Variants in RIF1 observed in about 807,000 individuals in gnomAD.
RIF1 encodes the protein replication timing regulatory factor 1, also known as telomere-associated protein RIF1.
A neutral mutation model predicts 247.1 loss-of-function variants in RIF1; 45 were observed. That is an observed-to-expected ratio of 0.18 (90% CI 0.14 to 0.23). RIF1 has a LOEUF of 0.23. Among genes scored for constraint, RIF1 ranks in the 10% least tolerant of loss-of-function variants. The probability of loss-of-function intolerance (pLI) is 1.00; values close to 1 mark genes in which losing one functional copy is unlikely to be tolerated. For missense variants in RIF1, 2,967 were observed against 2,862.5 expected, an observed-to-expected ratio of 1.04 and a Z score of -0.83; for synonymous variants, 1,087 against 978.8, an observed-to-expected ratio of 1.11 and a Z score of -2.06.
intron 19 of RIF1, 24 bp from the exon 20 acceptor site, chr2:151,446,402 T>A (rs1200111467): frequency 5.6e-6 from 9 of 1,605,760 alleles, no homozygotes; most frequent in Non-Finnish European, 6.8e-6. Flanking sequence ...TTAACAAAAC[T>A]TCTTTTTTTG....
At position 151,463,669 on chromosome 2, in the gene RIF1, A is replaced by T. The variant is rs767822951; in HGVS notation, c.4149A>T (p.Glu1383Asp). 1.2e-4 allele frequency: 188 copies of T among 1,613,850 alleles called. No homozygotes were observed. Among genetic ancestry groups the T allele is most frequent in the Non-Finnish European group, 1.6e-4 (183 of 1,179,942 alleles). Residue 1383 changes from glutamate to aspartate, a missense_variant, in exon 30 of 36, where the codon GAA (glutamate) becomes GAT (aspartate). Transcript: ENST00000444746. ...AGAAAAATGTAGAAATTAATTTGGA[A>T]TCCAAAGAGAATACACCCCCAGTAG... ...VEEKNVEINL[E>D]SKENTPPVVI...
intron 9 of RIF1, among the ~76,000 whole-genome samples, chr2:151,431,175 A>G (rs1690057855): frequency 6.6e-6 from 1 of 152,218 alleles, no homozygotes. Flanking sequence ...GAAGTCATCA[A>G]GGAATCAGAT....
Position 151,458,867 on chromosome 2 carries a change from C to T in RIF1, c.2912C>T (p.Thr971Ile). ...KFLLLLPGLE[T>I]VEMMEESSGP... Reference sequence around the variant, plus strand: ...CTGCTCCTGTTGCCTGGTTTGGAAACTGTTGAAATGATGGAGGAATCCAGT... The same window carrying T: ...CTGCTCCTGTTGCCTGGTTTGGAAATTGTTGAAATGATGGAGGAATCCAGT... The change falls in exon 25 of 36, where the codon ACT becomes ATT. Residue 971 changes from threonine to isoleucine, a missense_variant. By Grantham distance (89) the Thr-to-Ile change is moderately conservative. Coordinates refer to ENST00000444746, the MANE Select transcript of RIF1 (RefSeq NM_018151.5). 1 of 1,613,014 alleles carries T rather than the reference C, an allele frequency of 6.2e-7. No homozygotes were observed. The highest frequency in any genetic ancestry group is 8.5e-7 in the Non-Finnish European group (1 of 1,179,326).
chr2:151,457,436 C>G (rs925216082), intron 23 of RIF1, among the ~76,000 whole-genome samples: 2 of 152,140 alleles, frequency 1.3e-5, no homozygotes, highest in African/African-American at 4.8e-5. Context: ...TTAATCAACT[C>G]TTAGCTCATC....
intron 26 of RIF1, 121 bp from the exon 27 acceptor site, chr2:151,461,017 T>C (rs2045025): frequency 0.39 from 333,850 of 853,478 alleles, 67,218 homozygotes; most frequent in African/African-American, 0.43. Context: ...GGATCATGAG[T>C]ATCATCAACT....
chr2:151,420,422 G>T, intron 7 of RIF1, 43 bp downstream of exon 7: 1 of 1,587,440 alleles, frequency 6.3e-7, no homozygotes, highest in Non-Finnish European at 8.6e-7. Context: ...TACTGCATCG[G>T]AAGGTTCTGC....
At chr2:151,525,327 G>A in the RIF1 span, 9 of 1,325,930 alleles carry the variant, frequency 6.8e-6, no homozygotes, top group African/African-American at 1.3e-4. Context: ...AACAGAGTTG[G>A]TTTACTTGAA....
intron 14 of RIF1, among the ~76,000 whole-genome samples, chr2:151,439,667 CAAA>C (rs34523432): frequency 2.0e-3 from 215 of 109,904 alleles, no homozygotes; most frequent in Admixed American, 4.0e-3. Context: ...GAAACTCCAT[CAAA>C]AAAAAAAAAA....
At chr2:151,533,818 A>G in the RIF1 span, among the ~76,000 whole-genome samples, 1 of 152,240 alleles carries the variant, frequency 6.6e-6, no homozygotes, top group Non-Finnish European at 1.5e-5. Flanking sequence ...AAAAGAAGAC[A>G]TCTTTGGAAT....
At chr2:151,527,051 G>C in the RIF1 span, 1 of 1,469,804 alleles carries the variant, frequency 6.8e-7, no homozygotes, top group Non-Finnish European at 9.4e-7. Flanking sequence ...AGAAGAAAAG[G>C]GAAGGGTGAC....
At position 151,410,764 on chromosome 2, in the gene RIF1, T is replaced by C. The variant is rs116746686; in HGVS notation, c.104+237T>C. Among the ~76,000 whole-genome samples, 544 of 152,246 alleles carry C rather than the reference T, an allele frequency of 3.6e-3. 1 individual carries two copies. The highest frequency in any genetic ancestry group is 0.012 in the African/African-American group (516 of 41,530). On this transcript the variant is annotated intron_variant, in intron 2 of 35. Coordinates refer to ENST00000444746, the MANE Select transcript of RIF1 (RefSeq NM_018151.5). The stretch of plus-strand genomic sequence containing the variant: ...GAACGAGGGAGCATGCACGTGTGTT[T>C]TGCAAGCGAGGGATTTTTAAAAGTT...
At chr2:151,452,847 T>G (rs1694555687) in intron 21 of RIF1, among the ~76,000 whole-genome samples, 1 of 152,224 alleles carries the variant, frequency 6.6e-6, no homozygotes, top group South Asian at 2.1e-4. Flanking sequence ...GAAATTAGAT[T>G]TAACCGAATA....
chr2:151,531,231 A>G, the RIF1 span: 1 of 653,600 alleles, frequency 1.5e-6, no homozygotes, highest in Non-Finnish European at 2.7e-6. Context: ...AGGTGCTTTC[A>G]TGCTCTCTGC....
At position 151,440,089 on chromosome 2, in the gene RIF1, A is replaced by G. The variant is rs762004010; in HGVS notation, c.1609A>G (p.Ile537Val). The change falls in exon 15 of 36, where the codon ATA (isoleucine) becomes GTA (valine). Residue 537 changes from isoleucine (I) to valine (V), a missense_variant. Around this residue, in one of 7 missense-constraint regions of RIF1, gnomAD observed 369 missense variants for 322.0 expected, o/e 1.15. Coordinates refer to ENST00000444746, the MANE Select transcript of RIF1 (RefSeq NM_018151.5). The part of the protein sequence containing the change: ...LTLLLKSLES[I>V]VKSEVFPVSK... The stretch of plus-strand genomic sequence containing the variant: ...TCTCTTATTAAAGTCTTTGGAAAGC[A>G]TAGTAAAGTCTGAAGTATTTCCTGT... 1.9e-6 allele frequency: 3 copies of G among 1,600,190 alleles called. No individual in the cohort carries two copies. Among genetic ancestry groups the G allele is most frequent in the Admixed American group, 3.5e-5 (2 of 57,938 alleles).
chr2:151,517,538 A>G, the RIF1 span, among the ~76,000 whole-genome samples: 1 of 152,180 alleles, frequency 6.6e-6, no homozygotes, highest in African/African-American at 2.4e-5. Context: ...AACAACTGGG[A>G]TATGTTATGA....
Position 151,414,981 on chromosome 2 carries a change from T to C in RIF1, c.280+62T>C, listed in dbSNP as rs1484659370. On this transcript the variant is annotated intron_variant, in intron 4 of 35. Coordinates refer to ENST00000444746, the MANE Select transcript of RIF1 (RefSeq NM_018151.5). Reference sequence around the variant, plus strand: ...ATAAAGTATAAGTTTTAAGTATAAGTAGTTTGATGCTGTTAAAAGTACTGT... The same window carrying C: ...ATAAAGTATAAGTTTTAAGTATAAGCAGTTTGATGCTGTTAAAAGTACTGT... 5 of 1,024,172 alleles carry C rather than the reference T, an allele frequency of 4.9e-6. No individual in the cohort carries two copies. The African/African-American group carries it at 6.5e-5, about 13-fold the overall frequency. The allele number at this position is 1,024,172 out of a possible 1,614,324, so 63.4% of individuals were successfully genotyped here.
At chr2:151,497,300 T>TGTGA (rs934079452) in intron 10 of RIF1, 5 of 972,630 alleles carry the variant, frequency 5.1e-6, no homozygotes, top group South Asian at 9.5e-5. Flanking sequence ...TTTCCTTTTT[T>TGTGA]GTGAGTACCA....
At chr2:151,533,028 T>C in the RIF1 span, among the ~76,000 whole-genome samples, 98,275 of 151,994 alleles carry the variant, frequency 0.65, 32,077 homozygotes, top group East Asian at 0.78. Context: ...CTCATCTCCC[T>C]GCAACAGTTG....
rs781581005 is a variant in RIF1 at position 151,499,298 on chromosome 2, C to A, written c.*514-47C>A. The A allele has an allele frequency of 3.5e-6, 5 of 1,448,384 alleles. No homozygotes were observed. In the African/African-American group the frequency reaches 4.3e-5, roughly 12 times the overall value. The allele number at this position is 1,448,384 out of a possible 1,614,324, so 89.7% of individuals were successfully genotyped here. On this transcript the variant is annotated intron_variant and NMD_transcript_variant, in intron 10 of 13. Transcript: ENST00000454583. Reference sequence around the variant, plus strand: ...AAAGGGATTTTTTATTTTTAAATACCGAACTAAAGTTTTCTTGATTGTGTT... The same window carrying A: ...AAAGGGATTTTTTATTTTTAAATACAGAACTAAAGTTTTCTTGATTGTGTT...
Sources: gnomAD v4.1 joint callset for allele counts (sites outside exome capture counted in the v4.1 genomes callset) on GRCh38, gnomAD v4.1.1 for gene constraint, gnomAD v4.1.1 regional missense constraint, MANE v1.5 for transcripts, NCBI Gene and HGNC (gene_info 2026-07-23, HGNC 2026-07-21) for gene names.